The following ALDH18A1 variants were observed in gnomAD, a reference collection of about 807,000 sequenced individuals.
ALDH18A1 encodes the protein delta-1-pyrroline-5-carboxylate synthase.
In ALDH18A1, 44 loss-of-function variants were observed where a neutral mutation model predicts 88.8. The observed-to-expected ratio is 0.50, with a 90% CI of 0.39 to 0.64. ALDH18A1 has a LOEUF of 0.64. Ranked by LOEUF, ALDH18A1 falls within the 30% of genes least tolerant of loss-of-function variation. The probability of loss-of-function intolerance (pLI) is 0.00; values close to 1 mark genes in which losing one functional copy is unlikely to be tolerated. For synonymous variants in ALDH18A1, 331 were observed against 372.1 expected, an observed-to-expected ratio of 0.89 and a Z score of 1.27; for missense variants, 782 against 1,009.5, an observed-to-expected ratio of 0.77 and a Z score of 3.05.
At chr10:95,625,776 G>A (rs2097859530) in intron 10 of ALDH18A1, among the ~76,000 whole-genome samples, 1 of 151,780 alleles carries the variant, frequency 6.6e-6, no homozygotes, top group South Asian at 2.1e-4. Context: ...GGGGGGGAAG[G>A]GGCATGATGG....
chr10:95,605,982 C>T lies in ALDH18A1; in HGVS notation c.*780G>A, dbSNP rs1024735028. The T allele has an allele frequency of 3.9e-5, 6 of 152,764 alleles. No individual in the cohort carries two copies. Among genetic ancestry groups the T allele is most frequent in the Admixed American group, 3.3e-4 (5 of 15,274 alleles). The allele number at this position is 152,764 out of a possible 1,614,324, so 9.5% of individuals were successfully genotyped here. A position where few individuals can be genotyped will look rare whatever the true frequency, so the allele number is the denominator to read the frequency against. On this transcript the variant is annotated 3_prime_UTR_variant, in exon 18 of 18. Transcript: ENST00000371224. ...TATTTCTCAAAAAAGGGGGAAGAAT[C>T]CAAAGTATTAAAATAATCCTCTAAT...
chr10:95,621,259 G>T lies in ALDH18A1; in HGVS notation c.1247-8C>A, dbSNP rs1031928854. 9.9e-6 allele frequency: 16 copies of T among 1,608,102 alleles called. No homozygotes were observed. The highest frequency in any genetic ancestry group is 1.4e-5 in the Non-Finnish European group (16 of 1,177,280). On this transcript the variant is annotated splice_region_variant and splice_polypyrimidine_tract_variant and intron_variant, in intron 11 of 17. Coordinates refer to ENST00000371224, the MANE Select transcript of ALDH18A1 (RefSeq NM_002860.4). Reference sequence around the variant, plus strand: ...GAGGAGCTGCAAGTCTCCCTGAAAAGCCATTAAGAGGATATGATAAAGTAG... The same window carrying T: ...GAGGAGCTGCAAGTCTCCCTGAAAATCCATTAAGAGGATATGATAAAGTAG...
rs1292403369 is a variant in ALDH18A1, at chr10:95,637,332, G to A, written c.408C>T (p.Ser136=). ...RLRHEILLSQ[S]VRQALHSGQN... ...GCCCCGAGTGGAGGGCCTGCCGCAC[G>A]CTCTGAGACAGAAGGATCTCATGGC... Residue 136 remains serine (S), a synonymous_variant, in exon 4 of 18, where the codon AGC becomes AGT. Transcript: ENST00000371224. 6.2e-6 allele frequency: 10 copies of A among 1,614,116 alleles called. No homozygotes were observed. The East Asian group carries it at 6.7e-5, about 11-fold the overall frequency.
chr10:95,634,432 AT>A (rs2097876868), intron 5 of ALDH18A1, among the ~76,000 whole-genome samples: 1 of 152,194 alleles, frequency 6.6e-6, no homozygotes, highest in African/African-American at 2.4e-5. Context: ...GTATTCTAGG[AT>A]CTGATTCAGG....
At chr10:95,617,373 G>T (rs1464505721) in intron 12 of ALDH18A1, among the ~76,000 whole-genome samples, 1 of 152,260 alleles carries the variant, frequency 6.6e-6, no homozygotes, top group Non-Finnish European at 1.5e-5. Flanking sequence ...TCAGGCTGAG[G>T]CTGGGCAGCT....
intron 13 of ALDH18A1, among the ~76,000 whole-genome samples, chr10:95,615,094 AGGCAGATTGCCT>A (rs973729853): frequency 5.5e-4 from 83 of 152,234 alleles, no homozygotes; most frequent in African/African-American, 1.9e-3. Context: ...AGGCTGAGGC[AGGCAGATTGCCT>A]GAGCTCAGGA....
At chr10:95,611,182 A>T in intron 16 of ALDH18A1, 74 bp downstream of exon 16, 1 of 1,567,998 alleles carries the variant, frequency 6.4e-7, no homozygotes, top group Admixed American at 1.7e-5. Flanking sequence ...CTGCAGCCCA[A>T]GGGGGGCTAA....
intron 3 of ALDH18A1, among the ~76,000 whole-genome samples, chr10:95,641,727 C>A (rs915261225): frequency 6.6e-6 from 1 of 152,172 alleles, no homozygotes; most frequent in Non-Finnish European, 1.5e-5. Context: ...CAGCCTCAAT[C>A]TCCCAGGCTC....
chr10:95,651,988 T>C (rs551256830), intron 2 of ALDH18A1, among the ~76,000 whole-genome samples: 2 of 152,304 alleles, frequency 1.3e-5, no homozygotes, highest in African/African-American at 4.8e-5. Flanking sequence ...TGTCCTTTAA[T>C]GGGTGAATGG....
chr10:95,642,385 G>A (rs1221541868), intron 3 of ALDH18A1, among the ~76,000 whole-genome samples: 1 of 152,188 alleles, frequency 6.6e-6, no homozygotes, highest in East Asian at 1.9e-4. Flanking sequence ...AGGCCAAGGT[G>A]GGAGGATCAC....
intron 2 of ALDH18A1, among the ~76,000 whole-genome samples, chr10:95,645,152 A>G (rs868390401): frequency 6.2e-4 from 94 of 152,314 alleles, no homozygotes; most frequent in African/African-American, 2.0e-3. Context: ...GGAGCACTTA[A>G]GCAAATAGAC....
intron 12 of ALDH18A1, 114 bp downstream of exon 12, chr10:95,620,917 T>C: frequency 9.5e-7 from 1 of 1,051,538 alleles, no homozygotes. Flanking sequence ...TGTGCACATG[T>C]ACCCTAGAAC....
At chr10:95,656,529 G>T (rs532430463) in intron 1 of ALDH18A1, 68 bp downstream of exon 1, 1 of 152,408 alleles carries the variant, frequency 6.6e-6, no homozygotes, top group South Asian at 2.1e-4. Context: ...CCTCGCGCTT[G>T]AGCCTGGGCG....
At chr10:95,651,007 A>T (rs1195253781) in intron 2 of ALDH18A1, among the ~76,000 whole-genome samples, 1 of 151,976 alleles carries the variant, frequency 6.6e-6, no homozygotes, top group Non-Finnish European at 1.5e-5. Context: ...GGTGGTGGGC[A>T]CCTGTAATCC....
At chr10:95,629,128 G>A (rs900708975) in intron 7 of ALDH18A1, among the ~76,000 whole-genome samples, 2 of 152,126 alleles carry the variant, frequency 1.3e-5, no homozygotes, top group Admixed American at 1.3e-4. Context: ...TACCTGAAAT[G>A]TTACATGCAT....
At chr10:95,626,832 C>G in intron 9 of ALDH18A1, 56 bp from the exon 10 acceptor site, 19 of 1,533,154 alleles carry the variant, frequency 1.2e-5, no homozygotes, top group Non-Finnish European at 1.7e-5. Context: ...CTCTCTAGTT[C>G]TACTACTAGA....
At chr10:95,633,812 CTTT>C (rs869056809) in intron 5 of ALDH18A1, among the ~76,000 whole-genome samples, 163 bp from the exon 6 acceptor site, 3 of 103,270 alleles carry the variant, frequency 2.9e-5, no homozygotes, top group Admixed American at 1.1e-4. Context: ...CTATCCAATT[CTTT>C]TTTTTTTTTT....
chr10:95,652,539 C>T (rs2097911960), intron 2 of ALDH18A1, among the ~76,000 whole-genome samples: 1 of 152,126 alleles, frequency 6.6e-6, no homozygotes. Context: ...AGTTCGAGAC[C>T]AGCCTGGCCA....
chr10:95,621,480 T>C (rs1257058901), intron 11 of ALDH18A1, among the ~76,000 whole-genome samples: 2 of 151,990 alleles, frequency 1.3e-5, no homozygotes, highest in Non-Finnish European at 2.9e-5. Flanking sequence ...CCACCAGGCC[T>C]GGCTTATTTT....
Sources: gnomAD v4.1 joint callset for allele counts (sites outside exome capture counted in the v4.1 genomes callset) on GRCh38, gnomAD v4.1.1 for gene constraint, MANE v1.5 for transcripts, NCBI Gene and HGNC (gene_info 2026-07-23, HGNC 2026-07-21) for gene names.